Variants in AK9 observed in about 807,000 individuals in gnomAD.
AK9 encodes adenylate kinase 9, also known as adenylate kinase domain containing 1.
AK9 carries 191 observed loss-of-function variants against 239.6 expected under a neutral mutation model. The observed-to-expected ratio is 0.80, with a 90% CI of 0.71 to 0.90. The LOEUF (loss-of-function observed/expected upper bound fraction) is 0.90. AK9 is among the 40% of genes least tolerant of loss of function. The pLI is 0.00. For synonymous variants in AK9, 689 were observed against 721.0 expected, an observed-to-expected ratio of 0.96 and a Z score of 0.71; for missense variants, 1,995 against 2,214.7, an observed-to-expected ratio of 0.90 and a Z score of 1.99.
intron 18 of AK9, 119 bp downstream of exon 18, chr6:109,585,797 G>C (rs1343088643): frequency 4.3e-6 from 4 of 930,928 alleles, no homozygotes; most frequent in Admixed American, 3.0e-5. Flanking sequence ...GTTCCTGCAG[G>C]GATTGCTGGG....
intron 24 of AK9, among the ~76,000 whole-genome samples, chr6:109,558,663 C>G (rs948580988): frequency 6.6e-6 from 1 of 152,010 alleles, no homozygotes; most frequent in African/African-American, 2.4e-5. Context: ...TGTATTAATT[C>G]TCTTACTTGG....
In AK9 at chr6:109,619,174, T is replaced by C; in HGVS notation, c.1317A>G (p.Glu439=). ...RFDKARETLV[E]NTIAEATAAA... The stretch of plus-strand genomic sequence containing the variant: ...CTGCAGTGGCCTCAGCTATGGTATT[T>C]TCTACTAATGTTTCACGGGCTTTAT... The change falls in exon 13 of 41, where the codon GAA becomes GAG. Residue 439 remains glutamate, a synonymous_variant. Coordinates refer to ENST00000424296, the MANE Select transcript of AK9 (RefSeq NM_001145128.3). 1.0e-5 allele frequency: 16 copies of C among 1,550,656 alleles called. No individual in the cohort carries two copies. Among genetic ancestry groups the C allele is most frequent in the Non-Finnish European group, 1.3e-5 (15 of 1,146,448 alleles).
At chr6:109,498,041 T>C in intron 36 of AK9, 76 bp from the exon 37 acceptor site, 2 of 1,388,380 alleles carry the variant, frequency 1.4e-6, no homozygotes, top group South Asian at 2.5e-5. Flanking sequence ...ACCGAGGCTC[T>C]CCTGCACCCT....
In AK9 at chr6:109,654,622, C is replaced by T. The variant is rs193212991; in HGVS notation, c.759+2134G>A. On this transcript the variant is annotated intron_variant, in intron 8 of 40. Transcript: ENST00000424296. ...CTAGGATTACAGGCATGAGCCACCG[C>T]GCCCTGCCTGTTCTATATTTTTTAC... 3.1e-3 allele frequency among the ~76,000 whole-genome samples: 471 copies of T among 152,272 alleles called. 1 individual carries two copies. Among genetic ancestry groups the T allele is most frequent in the Non-Finnish European group, 4.5e-3 (306 of 68,022 alleles).
intron 28 of AK9, among the ~76,000 whole-genome samples, chr6:109,529,343 T>C (rs914023371): frequency 6.6e-6 from 1 of 152,178 alleles, no homozygotes; most frequent in Non-Finnish European, 1.5e-5. Flanking sequence ...TTTCAAAATT[T>C]ATCGCTCATT....
At position 109,497,884 on chromosome 6, in the gene AK9, G is replaced by C; in HGVS notation, c.5128C>G (p.Leu1710Val). Reference protein sequence around the residue: ...LPSADMIPKRLTLSELKSRFP... With the variant: ...LPSADMIPKRVTLSELKSRFP... ...CGACTCTTCAGCTCTGACAGTGTCAGTCTTTTGGGGATCATGTCAGCAGAT... is the reference window on the plus strand; with the variant it reads ...CGACTCTTCAGCTCTGACAGTGTCACTCTTTTGGGGATCATGTCAGCAGAT... The change falls in exon 37 of 41, where the codon CTG becomes GTG. Residue 1710 changes from leucine (L) to valine (V), a missense_variant. Physicochemically the swap from Leu to Val is conservative, Grantham distance 32. This residue lies in a region of AK9 where 391 missense variants were observed against 456.0 expected (regional missense o/e 0.86). Coordinates refer to ENST00000424296, the MANE Select transcript of AK9 (RefSeq NM_001145128.3). The C allele has an allele frequency of 5.0e-6, 8 of 1,614,062 alleles. No homozygotes were observed. Among genetic ancestry groups the C allele is most frequent in the Non-Finnish European group, 6.8e-6 (8 of 1,179,962 alleles).
chr6:109,508,749 G>A (rs1778373253), intron 33 of AK9, among the ~76,000 whole-genome samples: 1 of 152,162 alleles, frequency 6.6e-6, no homozygotes, highest in African/African-American at 2.4e-5. Context: ...TCCAAATGTG[G>A]TGTTAAGGGA....
intron 27 of AK9, among the ~76,000 whole-genome samples, chr6:109,537,244 T>A (rs1782140802): frequency 6.6e-6 from 1 of 152,066 alleles, no homozygotes; most frequent in Non-Finnish European, 1.5e-5. Context: ...TGGACTTTTT[T>A]TGGTTGGTAG....
chr6:109,597,486 C>T (rs1417728590), intron 17 of AK9, among the ~76,000 whole-genome samples: 1 of 152,046 alleles, frequency 6.6e-6, no homozygotes, highest in Non-Finnish European at 1.5e-5. Flanking sequence ...TCCTGGCTAA[C>T]ATGGTGAAAC....
At chr6:109,616,323 A>G (rs182667702) in intron 13 of AK9, among the ~76,000 whole-genome samples, 81 of 152,316 alleles carry the variant, frequency 5.3e-4, no homozygotes, top group African/African-American at 1.9e-3. Flanking sequence ...TGATCAAATC[A>G]ATAGGTCAAA....
chr6:109,594,841 C>T (rs1266074368), intron 17 of AK9, among the ~76,000 whole-genome samples: 3 of 152,152 alleles, frequency 2.0e-5, no homozygotes, highest in Non-Finnish European at 2.9e-5. Flanking sequence ...CTTCCTTACA[C>T]CTTATACAAA....
intron 13 of AK9, among the ~76,000 whole-genome samples, chr6:109,616,022 G>A (rs1009959635): frequency 6.6e-6 from 1 of 152,010 alleles, no homozygotes; most frequent in African/African-American, 2.4e-5. Context: ...GATCACTTGA[G>A]GCCAGGAGTT....
At chr6:109,652,346 A>C (rs1799090083) in intron 8 of AK9, among the ~76,000 whole-genome samples, 1 of 142,502 alleles carries the variant, frequency 7.0e-6, no homozygotes, top group Non-Finnish European at 1.6e-5. Flanking sequence ...CTTCAAAAAA[A>C]TTCAACAGCC....
At chr6:109,608,552 T>G (rs1174476772) in intron 17 of AK9, among the ~76,000 whole-genome samples, 1 of 152,156 alleles carries the variant, frequency 6.6e-6, no homozygotes, top group Non-Finnish European at 1.5e-5. Context: ...ATTTGAATAT[T>G]GTTTTTGATA....
chr6:109,684,096 AC>A (rs1399755626), intron 1 of AK9, among the ~76,000 whole-genome samples: 20 of 152,328 alleles, frequency 1.3e-4, no homozygotes, highest in Non-Finnish European at 2.5e-4. Flanking sequence ...ATAACACCAC[AC>A]ATCTACAACC....
intron 10 of AK9, among the ~76,000 whole-genome samples, chr6:109,636,074 G>A (rs1419647830): frequency 1.3e-5 from 2 of 152,142 alleles, no homozygotes; most frequent in African/African-American, 2.4e-5. Flanking sequence ...AGAGTCACAG[G>A]TCTGATAGGC....
intron 10 of AK9, among the ~76,000 whole-genome samples, chr6:109,637,321 ATTC>A (rs1796845256): frequency 6.6e-6 from 1 of 151,940 alleles, no homozygotes; most frequent in African/African-American, 2.4e-5. Flanking sequence ...ATTTTCAAAT[ATTC>A]TTCTCCTTTC....
At chr6:109,559,525 G>A (rs1044122726) in intron 24 of AK9, among the ~76,000 whole-genome samples, 2 of 152,190 alleles carry the variant, frequency 1.3e-5, no homozygotes, top group Non-Finnish European at 2.9e-5. Context: ...GCACAGTTTT[G>A]TAGTTTTTAG....
chr6:109,643,746 A>C (rs1192530394), intron 9 of AK9, among the ~76,000 whole-genome samples: 1 of 151,912 alleles, frequency 6.6e-6, no homozygotes. Context: ...CTCCAGCCCC[A>C]TCCTCCTACG....
Sources: gnomAD v4.1 joint callset for allele counts (sites outside exome capture counted in the v4.1 genomes callset) on GRCh38, gnomAD v4.1.1 for gene constraint, gnomAD v4.1.1 regional missense constraint, MANE v1.5 for transcripts, NCBI Gene and HGNC (gene_info 2026-07-23, HGNC 2026-07-21) for gene names.